WNK1: variants seen among roughly 807,000 people sequenced by gnomAD.
The protein encoded by WNK1 is serine/threonine-protein kinase WNK1.
A neutral mutation model predicts 222.8 loss-of-function variants in WNK1; 38 were observed. That is an observed-to-expected ratio of 0.17 (90% CI 0.13 to 0.22). WNK1 has a LOEUF of 0.22. Among genes scored for constraint, WNK1 ranks in the 10% least tolerant of loss-of-function variants. The pLI, the probability that WNK1 is intolerant of heterozygous loss-of-function variation, is 1.00. For missense variants in WNK1, 2,348 were observed against 2,918.4 expected, an observed-to-expected ratio of 0.80 and a Z score of 4.50; for synonymous variants, 1,090 against 1,092.9, an observed-to-expected ratio of 1.00 and a Z score of 0.05.
At chr12:761,730 TAACCTG>T (rs1283920187) in intron 1 of WNK1, among the ~76,000 whole-genome samples, 2 of 148,018 alleles carry the variant, frequency 1.4e-5, no homozygotes, top group African/African-American at 4.9e-5. Context: ...TTGAGCTACA[TAACCTG>T]ATATATCTAT....
rs573232975 is a variant in WNK1, at chr12:880,988, G to A, written c.3100G>A (p.Ala1034Thr). Residue 1034 changes from alanine to threonine, a missense_variant, in exon 12 of 28, where the codon GCA (alanine) becomes ACA (threonine). By Grantham distance (58) the Ala-to-Thr change is moderately conservative (BLOSUM62 0). This residue lies in a region of WNK1 where 547 missense variants were observed against 558.3 expected (regional missense o/e 0.98). Coordinates refer to ENST00000315939, the MANE Select transcript of WNK1 (RefSeq NM_018979.4). ...AQAPTTSSQQAVLESTQGVSQ... is the reference protein window; with the variant it reads ...AQAPTTSSQQTVLESTQGVSQ... ...AGCCCCCACTACATCCTCCCAGCAA[G>A]CAGTTTTGGAGGTAAATAGAATTAC... The A allele has an allele frequency of 1.9e-6, 3 of 1,614,142 alleles. No homozygotes were observed. Among genetic ancestry groups the A allele is most frequent in the African/African-American group, 2.7e-5 (2 of 75,044 alleles).
intron 19 of WNK1, 92 bp downstream of exon 19, chr12:886,176 A>G: frequency 8.8e-7 from 1 of 1,142,364 alleles, no homozygotes; most frequent in Non-Finnish European, 1.2e-6. Context: ...TGTAAGTTAG[A>G]AACATATTTA....
chr12:893,776 TC>T (rs1192221596), intron 22 of WNK1, among the ~76,000 whole-genome samples: 2 of 144,520 alleles, frequency 1.4e-5, no homozygotes, highest in African/African-American at 5.0e-5. Flanking sequence ...TGAGCCAAGA[TC>T]GCACCACTGC....
At chr12:832,146 G>T (rs1234838676) in intron 4 of WNK1, among the ~76,000 whole-genome samples, 1 of 152,250 alleles carries the variant, frequency 6.6e-6, no homozygotes, top group East Asian at 1.9e-4. Flanking sequence ...CGCCATCTCG[G>T]CTCACTGCAA....
chr12:835,154 A>G (rs755553035), intron 4 of WNK1, among the ~76,000 whole-genome samples: 3 of 152,114 alleles, frequency 2.0e-5, no homozygotes, highest in Non-Finnish European at 2.9e-5. Context: ...CATTATCTCT[A>G]CAAAAAATAC....
chr12:906,878 G>T, intron 26 of WNK1: 2 of 496,192 alleles, frequency 4.0e-6, no homozygotes, highest in Non-Finnish European at 5.2e-6. Context: ...ATATAAAAAA[G>T]TAAAAAATTA....
chr12:879,237 A>G (rs186152998), intron 10 of WNK1, among the ~76,000 whole-genome samples: 3 of 152,176 alleles, frequency 2.0e-5, no homozygotes, highest in African/African-American at 7.2e-5. Context: ...ATATATTCCA[A>G]TAAAGCTGTT....
rs536592144 is a variant in WNK1, at chr12:754,087, C to G, written c.522C>G (p.Ser174Arg). ...TGTCCCAGCCTAGCCTTGTGGGGAGCAAAGAGGAGCCGCCGCCGGCGAGAA... is the reference window on the plus strand; with the variant it reads ...TGTCCCAGCCTAGCCTTGTGGGGAGGAAAGAGGAGCCGCCGCCGGCGAGAA... ...RPVSQPSLVG[S>R]KEEPPPARSG... Residue 174 changes from serine to arginine, a missense_variant, in exon 1 of 28, where the codon AGC (serine) becomes AGG (arginine). By Grantham distance (110) the Ser-to-Arg change is moderately radical. Coordinates refer to ENST00000315939, the MANE Select transcript of WNK1 (RefSeq NM_018979.4). 5 of 1,609,768 alleles carry G rather than the reference C, an allele frequency of 3.1e-6. No individual in the cohort carries two copies.
At chr12:893,221 T>C (rs1470936876) in intron 22 of WNK1, among the ~76,000 whole-genome samples, 1 of 151,998 alleles carries the variant, frequency 6.6e-6, no homozygotes, top group Non-Finnish European at 1.5e-5. Flanking sequence ...GGCATCACTG[T>C]ACTCCAGCCT....
At chr12:871,140 T>A (rs1294602010) in intron 8 of WNK1, 125 bp from the exon 9 acceptor site, 2 of 889,694 alleles carry the variant, frequency 2.2e-6, no homozygotes, top group East Asian at 5.2e-5. Context: ...CCATACATAA[T>A]CAGGTTAATG....
At chr12:769,179 A>G (rs1035897572) in intron 1 of WNK1, among the ~76,000 whole-genome samples, 1 of 151,840 alleles carries the variant, frequency 6.6e-6, no homozygotes, top group African/African-American at 2.4e-5. Flanking sequence ...CAGTTGTCCC[A>G]GATTTGGCTA....
Position 754,080 on chromosome 12 carries a change from T to G in WNK1, c.515T>G (p.Val172Gly). ...CGCCCAGTGTCCCAGCCTAGCCTTG[T>G]GGGGAGCAAAGAGGAGCCGCCGCCG... Reference protein sequence around the residue: ...KDRPVSQPSLVGSKEEPPPAR... With the variant: ...KDRPVSQPSLGGSKEEPPPAR... The change falls in exon 1 of 28, where the codon GTG becomes GGG. Residue 172 changes from valine to glycine, a missense_variant. Transcript: ENST00000315939. The G allele has an allele frequency of 6.2e-7, 1 of 1,608,812 alleles. No homozygotes were observed. Among genetic ancestry groups the G allele is most frequent in the Non-Finnish European group, 8.5e-7 (1 of 1,178,364 alleles).
At position 884,835 on chromosome 12, in the gene WNK1, C is replaced by T. The variant is rs140473724; in HGVS notation, c.4031C>T (p.Ala1344Val). 1.9e-6 allele frequency: 3 copies of T among 1,614,050 alleles called. No individual in the cohort carries two copies. The African/African-American group carries it at 4.0e-5, about 22-fold the overall frequency. Residue 1344 changes from alanine to valine, a missense_variant, in exon 19 of 28, where the codon GCT becomes GTT. Ala to Val is a moderately conservative substitution (Grantham distance 64). Around this residue, in one of 13 missense-constraint regions of WNK1, gnomAD observed 1,144 missense variants for 1,273.6 expected, o/e 0.90. Coordinates refer to ENST00000315939, the MANE Select transcript of WNK1 (RefSeq NM_018979.4). This position sits in a 1 kb window ranked among gnomAD's most constrained non-coding sequence, Gnocchi z 5.6. ...GTACCTCCTTTCTTAAGTAGCATTGCTGGAGTCCCAACCACAGCAGCAGCC... is the reference window on the plus strand; with the variant it reads ...GTACCTCCTTTCTTAAGTAGCATTGTTGGAGTCCCAACCACAGCAGCAGCC... ...PVVPPFLSSI[A>V]GVPTTAAATA...
intron 4 of WNK1, among the ~76,000 whole-genome samples, chr12:836,276 T>TA (rs1480247926): frequency 5.9e-5 from 9 of 152,208 alleles, no homozygotes; most frequent in African/African-American, 2.2e-4. Flanking sequence ...GTGTTTCTGT[T>TA]ATGTGACTCC....
chr12:794,104 T>C (rs1945089856), intron 1 of WNK1, among the ~76,000 whole-genome samples: 1 of 152,230 alleles, frequency 6.6e-6, no homozygotes, highest in African/African-American at 2.4e-5. Flanking sequence ...TTCATTTTTA[T>C]GGTTGAGTAA....
chr12:792,855 CTT>C (rs554544303), intron 1 of WNK1, among the ~76,000 whole-genome samples: 1 of 151,154 alleles, frequency 6.6e-6, no homozygotes, highest in Admixed American at 6.6e-5. Context: ...TATTCTATGA[CTT>C]TTTTTTTCTT....
intron 7 of WNK1, among the ~76,000 whole-genome samples, chr12:861,737 A>G (rs1951234774): frequency 1.3e-5 from 2 of 152,336 alleles, no homozygotes; most frequent in South Asian, 4.1e-4. Context: ...ACTAAAAACT[A>G]ATGAGAACAC....
Position 880,901 on chromosome 12 carries a change from G to C in WNK1, c.3013G>C (p.Val1005Leu), listed in dbSNP as rs1292582284. The C allele has an allele frequency of 6.2e-7, 1 of 1,614,156 alleles. No individual in the cohort carries two copies. Among genetic ancestry groups the C allele is most frequent in the Non-Finnish European group, 8.5e-7 (1 of 1,180,028 alleles). The change falls in exon 12 of 28, where the codon GTT becomes CTT. Residue 1005 changes from valine (V) to leucine (L), a missense_variant. Val to Leu is a conservative substitution (Grantham distance 32). Transcript: ENST00000315939. ...VQPYVESNLL[V>L]PMGGVGGQVQ... ...GCCTTATGTGGAATCAAATCTTTTA[G>C]TTCCTATGGGTGGTGTAGGAGGACA...
intron 4 of WNK1, among the ~76,000 whole-genome samples, chr12:831,858 C>T (rs2154029202): frequency 6.6e-6 from 1 of 151,682 alleles, no homozygotes; most frequent in African/African-American, 2.4e-5. Flanking sequence ...AACCACTGTT[C>T]AAAAGTCTTG....
Sources: allele counts gnomAD v4.1 joint callset (sites outside exome capture counted in the v4.1 genomes callset), GRCh38; gene constraint gnomAD v4.1.1; regional missense constraint gnomAD v4.1.1; non-coding constraint Gnocchi (gnomAD v3.1); transcripts MANE v1.5; gene names NCBI Gene and HGNC (gene_info 2026-07-23, HGNC 2026-07-21).